TRAT1: variants seen among roughly 807,000 people sequenced by gnomAD.
The protein encoded by TRAT1 is T cell receptor associated transmembrane adaptor 1, also known as T-cell receptor-associated transmembrane adapter 1.
A neutral mutation model predicts 20.0 loss-of-function variants in TRAT1; 20 were observed. The ratio of observed to expected loss-of-function variants is 1.00; its 90% CI spans 0.70 to 1.45. TRAT1 has a LOEUF of 1.45. Ranked by LOEUF, TRAT1 falls within the 40% of genes most tolerant of loss-of-function variation. The pLI is 0.00. For synonymous variants in TRAT1, 77 were observed against 74.2 expected, an observed-to-expected ratio of 1.04 and a Z score of -0.20; for missense variants, 237 against 224.1, an observed-to-expected ratio of 1.06 and a Z score of -0.37.
At chr3:108,849,291 C>A in intron 5 of TRAT1, 37 bp downstream of exon 5, 1 of 1,546,774 alleles carries the variant, frequency 6.5e-7, no homozygotes, top group Non-Finnish European at 8.9e-7. Flanking sequence ...TTGCACATTT[C>A]AAGAGCATAA....
At chr3:108,830,936 G>T (rs1340588584) in intron 2 of TRAT1, among the ~76,000 whole-genome samples, 156 bp downstream of exon 2, 1 of 152,152 alleles carries the variant, frequency 6.6e-6, no homozygotes, top group Admixed American at 6.5e-5. Context: ...CGCCCAAAGG[G>T]TTCTCTTATT....
rs1284639173 is a variant in TRAT1 at position 108,854,004 on chromosome 3, T to G, written c.*127T>G. ...ACCTGATCATTTGTTGATGGGATGG[T>G]GGCTTACCTCTTATTCACAGCTTAC... On this transcript the variant is annotated 3_prime_UTR_variant, in exon 6 of 6. Transcript: ENST00000295756. 2 of 842,272 alleles carry G rather than the reference T, an allele frequency of 2.4e-6. No individual in the cohort carries two copies. The highest frequency in any genetic ancestry group is 6.0e-4 in the Middle Eastern group (2 of 3,316). The allele number at this position is 842,272 out of a possible 1,614,324, so 52.2% of individuals were successfully genotyped here.
At chr3:108,843,438 G>A (rs998314453) in intron 3 of TRAT1, among the ~76,000 whole-genome samples, 3 of 152,094 alleles carry the variant, frequency 2.0e-5, no homozygotes, top group South Asian at 2.1e-4. Context: ...GCTGAGGCAG[G>A]AGAATCACTT....
At chr3:108,835,508 T>A (rs1945830705) in intron 2 of TRAT1, among the ~76,000 whole-genome samples, 1 of 152,210 alleles carries the variant, frequency 6.6e-6, no homozygotes, top group African/African-American at 2.4e-5. Flanking sequence ...TATTCTGAGC[T>A]GTAACCTCTG....
At chr3:108,837,650 G>T (rs886920582) in intron 2 of TRAT1, among the ~76,000 whole-genome samples, 1 of 152,188 alleles carries the variant, frequency 6.6e-6, no homozygotes, top group Non-Finnish European at 1.5e-5. Context: ...TATTGTCAGA[G>T]AGTTAGATAA....
intron 2 of TRAT1, among the ~76,000 whole-genome samples, chr3:108,831,538 CT>C (rs779234270): frequency 0.12 from 15,654 of 132,088 alleles, 876 homozygotes; most frequent in African/African-American, 0.2. Context: ...TGGAAGGTAT[CT>C]TTTTTTTTTT....
chr3:108,850,688 T>C (rs988069337), intron 5 of TRAT1, among the ~76,000 whole-genome samples: 1 of 152,202 alleles, frequency 6.6e-6, no homozygotes, highest in Non-Finnish European at 1.5e-5. Flanking sequence ...GTTTAGTTAA[T>C]TATAAAATAT....
intron 1 of TRAT1, among the ~76,000 whole-genome samples, chr3:108,823,956 C>T (rs967614824): frequency 1.1e-4 from 17 of 152,202 alleles, no homozygotes; most frequent in African/African-American, 4.1e-4. Context: ...ACTGCAACCT[C>T]TGCCTCCCAG....
At chr3:108,843,269 C>A (rs537367163) in intron 3 of TRAT1, among the ~76,000 whole-genome samples, 1 of 152,190 alleles carries the variant, frequency 6.6e-6, no homozygotes, top group South Asian at 2.1e-4. Context: ...TGGTGGCTCA[C>A]GCCTGTAATC....
Position 108,829,880 on chromosome 3 carries a change from T to C in TRAT1, c.8-790T>C, listed in dbSNP as rs116245317. ...AGTGGTTTATGTATTTACTATACTA[T>C]GCTTTTATCATTACCTTAGAGTATA... On this transcript the variant is annotated intron_variant, in intron 1 of 5. Transcript: ENST00000295756. 3.7e-3 allele frequency among the ~76,000 whole-genome samples: 568 copies of C among 152,328 alleles called. 5 individuals carry two copies. Among genetic ancestry groups the C allele is most frequent in the Non-Finnish European group, 3.5e-3 (235 of 68,032 alleles).
chr3:108,822,902 T>C lies in TRAT1; in HGVS notation c.-26T>C. 1 of 1,606,842 alleles carries C rather than the reference T, an allele frequency of 6.2e-7. No homozygotes were observed. Among genetic ancestry groups the C allele is most frequent in the South Asian group, 1.1e-5 (1 of 90,428 alleles). On this transcript the variant is annotated 5_prime_UTR_variant, in exon 1 of 6. The change abolishes the stop of an existing upstream ORF in the 5' untranslated region. Coordinates refer to ENST00000295756, the MANE Select transcript of TRAT1 (RefSeq NM_016388.4). ...TCCATATATTTGTCTTATGGCTAGA[T>C]AAAGATTTCTCTGAAAAAAAGAAGC...
chr3:108,836,387 T>C (rs1945842679), intron 2 of TRAT1, among the ~76,000 whole-genome samples: 1 of 152,220 alleles, frequency 6.6e-6, no homozygotes, highest in African/African-American at 2.4e-5. Flanking sequence ...AATGACACTC[T>C]TCACTTTTGT....
chr3:108,839,038 A>G, intron 3 of TRAT1, 71 bp downstream of exon 3: 1 of 1,203,250 alleles, frequency 8.3e-7, no homozygotes, highest in Non-Finnish European at 1.2e-6. Flanking sequence ...ATATTGTTTA[A>G]AGATTTGGCT....
At chr3:108,844,565 C>A (rs1159177329) in intron 3 of TRAT1, among the ~76,000 whole-genome samples, 1 of 150,214 alleles carries the variant, frequency 6.7e-6, no homozygotes, top group African/African-American at 2.5e-5. Flanking sequence ...ATAAATGTGG[C>A]CAGGCACAGT....
intron 1 of TRAT1, among the ~76,000 whole-genome samples, chr3:108,827,373 A>C (rs1945750161): frequency 7.9e-6 from 1 of 125,920 alleles, no homozygotes; most frequent in African/African-American, 3.3e-5. Context: ...GGAGGTATAA[A>C]GTATGTGTGT....
chr3:108,833,236 G>C (rs1203643934), intron 2 of TRAT1, among the ~76,000 whole-genome samples: 1 of 152,114 alleles, frequency 6.6e-6, no homozygotes, highest in Non-Finnish European at 1.5e-5. Context: ...TGGTCAACAT[G>C]GAGAAACTCC....
chr3:108,853,646 C>A lies in TRAT1; in HGVS notation c.330C>A (p.Tyr110Ter). Residue 110 changes from tyrosine (Y) to a stop codon, truncating the protein, a stop_gained, in exon 6 of 6, where the codon TAC (tyrosine) becomes TAA (stop). Transcript: ENST00000295756. LOFTEE classifies it low-confidence loss of function (END_TRUNC). Reference protein sequence around the residue: ...AQATNETQMCYASLDHSVKGK... With the variant: ...AQATNETQMC ...CAACCAATGAAACACAGATGTGCTACGCCTCACTTGATCACAGCGTTAAGG... is the reference window on the plus strand; with the variant it reads ...CAACCAATGAAACACAGATGTGCTAAGCCTCACTTGATCACAGCGTTAAGG... 6.2e-7 allele frequency: 1 copy of A among 1,614,016 alleles called. No homozygotes were observed. Among genetic ancestry groups the A allele is most frequent in the Non-Finnish European group, 8.5e-7 (1 of 1,179,922 alleles).
chr3:108,838,392 A>G (rs1339545508), intron 2 of TRAT1, among the ~76,000 whole-genome samples: 1 of 152,014 alleles, frequency 6.6e-6, no homozygotes, highest in Non-Finnish European at 1.5e-5. Flanking sequence ...ATAGATAGAT[A>G]GATAGATAGA....
In TRAT1 at chr3:108,847,140, C is replaced by T; in HGVS notation, c.214+11C>T. The T allele has an allele frequency of 6.8e-7, 1 of 1,479,934 alleles. No individual in the cohort carries two copies. The allele number at this position is 1,479,934 out of a possible 1,614,324, so 91.7% of individuals were successfully genotyped here. A position where few individuals can be genotyped will look rare whatever the true frequency, so the allele number is the denominator to read the frequency against. The stretch of plus-strand genomic sequence containing the variant: ...ATGATATGATTTCAGGTAAGTTTTC[C>T]ATAAGTTAAATTTATAAATAAGTAA... On this transcript the variant is annotated intron_variant, in intron 4 of 5. Transcript: ENST00000295756.
Sources: allele counts gnomAD v4.1 joint callset (sites outside exome capture counted in the v4.1 genomes callset), GRCh38; gene constraint gnomAD v4.1.1; transcripts MANE v1.5; gene names NCBI Gene and HGNC (gene_info 2026-07-23, HGNC 2026-07-21).